The following PCSK6 variants were observed in gnomAD, a reference collection of about 807,000 sequenced individuals.
PCSK6 encodes proprotein convertase subtilisin/kexin type 6, also known as paired basic amino acid cleaving enzyme 4.
In PCSK6, 85 loss-of-function variants were observed where a neutral mutation model predicts 123.3. The observed-to-expected ratio is 0.69, with a 90% confidence interval of 0.58 to 0.83. PCSK6 has a LOEUF of 0.83. PCSK6 is among the 40% of genes least tolerant of loss of function. PCSK6 has a pLI of 0.00. For synonymous variants in PCSK6, 508 were observed against 516.0 expected (o/e 0.98, Z 0.21); for missense variants, 1,191 against 1,282.3 (o/e 0.93, Z 1.09).
chr15:101,445,609 G>A (rs12101979), intron 1 of PCSK6, among the ~76,000 whole-genome samples: 132,759 of 152,222 alleles, frequency 0.87, 58,229 homozygotes, highest in African/African-American at 0.93. Context: ...CTCCTCACCC[G>A]CACTAGAGCT....
At chr15:101,365,753 G>A (rs564720662) in intron 13 of PCSK6, 50 of 155,120 alleles carry the variant, frequency 3.2e-4, no homozygotes, top group African/African-American at 1.1e-3. Context: ...TGATGCATAC[G>A]ACAATATTGA....
chr15:101,376,790 T>C (rs1051650838), intron 11 of PCSK6, among the ~76,000 whole-genome samples: 4 of 152,224 alleles, frequency 2.6e-5, no homozygotes, highest in Non-Finnish European at 5.9e-5. Context: ...AGGAAAAGTG[T>C]TGTGGGTCCA....
chr15:101,486,106 G>T (rs1052999032), intron 1 of PCSK6, among the ~76,000 whole-genome samples: 1 of 151,640 alleles, frequency 6.6e-6, no homozygotes, highest in African/African-American at 2.4e-5. Flanking sequence ...TGGGATTACC[G>T]GCATGTGTCA....
intron 19 of PCSK6, among the ~76,000 whole-genome samples, chr15:101,317,479 T>C (rs2040017364): frequency 6.6e-6 from 1 of 151,718 alleles, no homozygotes; most frequent in South Asian, 2.1e-4. Context: ...TGGGCAATTA[T>C]AATACATGTA....
chr15:101,354,517 A>G (rs559100535), intron 13 of PCSK6, among the ~76,000 whole-genome samples: 7 of 152,374 alleles, frequency 4.6e-5, no homozygotes, highest in Non-Finnish European at 8.8e-5. Flanking sequence ...ACTCCTCACA[A>G]GTGAAGAACT....
chr15:101,342,129 CAAAAA>C (rs35083182), intron 13 of PCSK6, among the ~76,000 whole-genome samples: 5,708 of 51,602 alleles, frequency 0.11, 259 homozygotes, highest in African/African-American at 0.24. Flanking sequence ...GACCCTGTCT[CAAAAA>C]AAAAAAAAAA....
intron 8 of PCSK6, among the ~76,000 whole-genome samples, chr15:101,391,584 C>T (rs970720222): frequency 6.6e-6 from 1 of 152,224 alleles, no homozygotes; most frequent in African/African-American, 2.4e-5. Flanking sequence ...TCATGTGTCA[C>T]CACAGGACAT....
intron 2 of PCSK6, among the ~76,000 whole-genome samples, chr15:101,434,879 G>A (rs571377220): frequency 1.3e-5 from 2 of 152,178 alleles, no homozygotes; most frequent in South Asian, 2.1e-4. Context: ...AGGGGATCCC[G>A]GATCCCACCT....
chr15:101,385,087 G>C (rs573182339), intron 9 of PCSK6, among the ~76,000 whole-genome samples: 2 of 152,298 alleles, frequency 1.3e-5, no homozygotes, highest in African/African-American at 4.8e-5. Context: ...TGTGATCTTG[G>C]CTCACTGCAA....
intron 1 of PCSK6, among the ~76,000 whole-genome samples, chr15:101,451,608 A>G (rs2141176058): frequency 6.6e-6 from 1 of 152,226 alleles, no homozygotes; most frequent in East Asian, 1.9e-4. Flanking sequence ...GGCTGGAAAC[A>G]GATGTTCCAA....
chr15:101,346,696 C>T, intron 13 of PCSK6: 1 of 1,148,582 alleles, frequency 8.7e-7, no homozygotes, highest in Non-Finnish European at 1.1e-6. Context: ...AAAGGGGTTT[C>T]AAGAGAGCTC....
chr15:101,426,012 C>G (rs2056244194), intron 6 of PCSK6, among the ~76,000 whole-genome samples: 1 of 152,172 alleles, frequency 6.6e-6, no homozygotes, highest in Non-Finnish European at 1.5e-5. Flanking sequence ...CTCCGTAGGC[C>G]TGGGGTGGGG....
At chr15:101,346,809 T>C in intron 13 of PCSK6, 2 of 1,231,470 alleles carry the variant, frequency 1.6e-6, no homozygotes, top group Non-Finnish European at 1.0e-6. Flanking sequence ...TTTGTTATGC[T>C]TTCTACTGGA....
intron 17 of PCSK6, among the ~76,000 whole-genome samples, chr15:101,323,287 T>G (rs566745922): frequency 6.6e-6 from 1 of 152,226 alleles, no homozygotes; most frequent in East Asian, 1.9e-4. Flanking sequence ...AGTGAGGATG[T>G]CGGGGTGAAG....
chr15:101,441,442 A>G (rs1256130518), intron 2 of PCSK6, among the ~76,000 whole-genome samples: 1 of 152,086 alleles, frequency 6.6e-6, no homozygotes, highest in Non-Finnish European at 1.5e-5. Context: ...GAACTCAGCA[A>G]CACAGAGACC....
At chr15:101,435,094 C>T (rs1370857113) in intron 2 of PCSK6, among the ~76,000 whole-genome samples, 1 of 152,188 alleles carries the variant, frequency 6.6e-6, no homozygotes, top group African/African-American at 2.4e-5. Context: ...CCCTCCCATC[C>T]CCAGCTGGGA....
chr15:101,386,014 C>G (rs1010122795), intron 9 of PCSK6, among the ~76,000 whole-genome samples: 2 of 152,024 alleles, frequency 1.3e-5, no homozygotes, highest in Admixed American at 1.3e-4. Context: ...ATATCACAAA[C>G]ACATACTCTT....
intron 13 of PCSK6, among the ~76,000 whole-genome samples, chr15:101,364,507 C>A (rs1310881763): frequency 2.6e-5 from 4 of 151,968 alleles, no homozygotes; most frequent in African/African-American, 9.7e-5. Context: ...CAAGAATTAC[C>A]AGAGAAATAA....
chr15:101,454,194 G>C (rs1182544380), intron 1 of PCSK6, among the ~76,000 whole-genome samples: 1 of 152,234 alleles, frequency 6.6e-6, no homozygotes, highest in Non-Finnish European at 1.5e-5. Context: ...ACCATCACTT[G>C]AGAGCAAGTT....
Sources: allele counts gnomAD v4.1 joint callset (sites outside exome capture counted in the v4.1 genomes callset), GRCh38; gene constraint gnomAD v4.1.1; transcripts MANE v1.5; gene names NCBI Gene and HGNC (gene_info 2026-07-23, HGNC 2026-07-21).